XPR1: variants seen among roughly 807,000 people sequenced by gnomAD.
XPR1 encodes xenotropic and polytropic retrovirus receptor 1.
In XPR1, 28 loss-of-function variants were observed where a neutral mutation model predicts 87.5. The ratio of observed to expected loss-of-function variants is 0.32; its 90% CI spans 0.24 to 0.44. The LOEUF (loss-of-function observed/expected upper bound fraction) is 0.44, where lower values mean the gene tolerates loss of function less well. Ranked by LOEUF, XPR1 falls within the 20% of genes least tolerant of loss-of-function variation. The pLI is 1.00. For synonymous variants in XPR1, 300 were observed against 306.1 expected (o/e 0.98, Z 0.21); for missense variants, 559 against 862.3 (o/e 0.65, Z 4.41).
chr1:180,759,877 C>G (rs1369691479), intron 2 of XPR1, among the ~76,000 whole-genome samples: 1 of 152,294 alleles, frequency 6.6e-6, no homozygotes, highest in South Asian at 2.1e-4. Flanking sequence ...AAAATACTGA[C>G]AAACCGAATC....
At chr1:180,713,362 C>A (rs1428852378) in intron 2 of XPR1, among the ~76,000 whole-genome samples, 1 of 152,102 alleles carries the variant, frequency 6.6e-6, no homozygotes, top group Non-Finnish European at 1.5e-5. Context: ...GCTAAACTCA[C>A]TTTTTAGTTA....
intron 1 of XPR1, among the ~76,000 whole-genome samples, chr1:180,637,172 A>G (rs3856057): frequency 1.4e-4 from 22 of 152,344 alleles, no homozygotes; most frequent in Admixed American, 1.4e-3. Context: ...GGATTGATGC[A>G]GTACCCCTGC....
intron 2 of XPR1, among the ~76,000 whole-genome samples, chr1:180,698,922 T>TC (rs1356103716): frequency 3.4e-5 from 5 of 148,128 alleles, no homozygotes; most frequent in African/African-American, 1.2e-4. Flanking sequence ...CAATTTTCTC[T>TC]TGATGTTTTC....
rs77203238 is a variant in XPR1, at chr1:180,808,287, C to CAAA, written c.681+1743_681+1745dup. ...GCTGAAACAGTTGAATTCCATATAC[C>CAAA]AAAAAAAAAAAAAAATGAGCTTTCA... is the stretch of plus-strand genomic sequence containing the variant. On this transcript the variant is annotated intron_variant, in intron 6 of 14. Coordinates refer to ENST00000367590, the MANE Select transcript of XPR1 (RefSeq NM_004736.4). Among the ~76,000 whole-genome samples, 183 of 126,086 alleles carry CAAA rather than the reference C, an allele frequency of 1.5e-3. 1 individual carries two copies. Among genetic ancestry groups the CAAA allele is most frequent in the African/African-American group, 4.9e-3 (174 of 35,154 alleles). 82.7% of individuals were successfully genotyped at this position (126,086 alleles called of 152,430 possible).
intron 12 of XPR1, among the ~76,000 whole-genome samples, chr1:180,872,771 C>G (rs1447921446): frequency 6.6e-6 from 1 of 151,112 alleles, no homozygotes; most frequent in Non-Finnish European, 1.5e-5. Flanking sequence ...AGAAATCACC[C>G]GTCTTCTGCG....
chr1:180,742,494 G>A (rs1658954554), intron 2 of XPR1, among the ~76,000 whole-genome samples: 1 of 152,060 alleles, frequency 6.6e-6, no homozygotes, highest in South Asian at 2.1e-4. Flanking sequence ...GACATACTTT[G>A]CATAATTTCA....
chr1:180,721,937 G>A (rs1406070802), intron 2 of XPR1, among the ~76,000 whole-genome samples: 2 of 151,998 alleles, frequency 1.3e-5, no homozygotes, highest in Non-Finnish European at 2.9e-5. Context: ...TCAGCAGAAG[G>A]GTATTAGTAG....
chr1:180,660,793 T>C (rs571887910), intron 1 of XPR1, among the ~76,000 whole-genome samples: 33 of 152,358 alleles, frequency 2.2e-4, no homozygotes, highest in African/African-American at 7.5e-4. Context: ...GAATGATCCA[T>C]GTGCTGAGAA....
At position 180,885,530 on chromosome 1, in the gene XPR1, T is replaced by C. The variant is rs982723895; in HGVS notation, c.*1464T>C. The stretch of plus-strand genomic sequence containing the variant: ...ATAAGCCTGAAAACCATAAGAGATA[T>C]TACTTTATTGAATATGGTTGGCATT... On this transcript the variant is annotated 3_prime_UTR_variant, in exon 15 of 15. Transcript: ENST00000367590. 1.3e-5 allele frequency: 2 copies of C among 152,204 alleles called. No homozygotes were observed. Among genetic ancestry groups the C allele is most frequent in the Non-Finnish European group, 2.9e-5 (2 of 68,034 alleles). 9.4% of individuals were successfully genotyped at this position (152,204 alleles called of 1,614,324 possible).
intron 2 of XPR1, among the ~76,000 whole-genome samples, chr1:180,752,262 TAGA>T (rs1260406727): frequency 6.6e-6 from 1 of 152,316 alleles, no homozygotes; most frequent in Admixed American, 6.5e-5. Flanking sequence ...GTTGTTAACT[TAGA>T]AAACTACATT....
intron 14 of XPR1, among the ~76,000 whole-genome samples, chr1:180,881,366 T>C (rs1230109259): frequency 1.3e-5 from 2 of 152,122 alleles, no homozygotes; most frequent in Non-Finnish European, 2.9e-5. Flanking sequence ...GGTTTCACCA[T>C]GTTAGCCAGG....
At chr1:180,823,085 C>A (rs1387902142) in intron 7 of XPR1, among the ~76,000 whole-genome samples, 1 of 151,836 alleles carries the variant, frequency 6.6e-6, no homozygotes, top group Non-Finnish European at 1.5e-5. Context: ...ACTAAAAATA[C>A]AAAAAATTAG....
intron 2 of XPR1, among the ~76,000 whole-genome samples, chr1:180,730,469 C>T (rs1658516170): frequency 6.6e-6 from 1 of 152,150 alleles, no homozygotes; most frequent in South Asian, 2.1e-4. Context: ...GACACAAATT[C>T]TGCCTCCATT....
intron 2 of XPR1, among the ~76,000 whole-genome samples, chr1:180,682,833 C>CGTGT (rs571473950): frequency 6.8e-5 from 10 of 146,234 alleles, no homozygotes; most frequent in East Asian, 4.0e-4. Flanking sequence ...TGTGTGTGTG[C>CGTGT]GTGTGTGTGT....
At chr1:180,691,386 G>C (rs373588900) in intron 2 of XPR1, among the ~76,000 whole-genome samples, 24 of 152,028 alleles carry the variant, frequency 1.6e-4, no homozygotes, top group African/African-American at 5.1e-4. Context: ...TAGACCTATT[G>C]CTTGATAGTT....
At chr1:180,798,146 A>G (rs1277402646) in intron 3 of XPR1, among the ~76,000 whole-genome samples, 1 of 152,120 alleles carries the variant, frequency 6.6e-6, no homozygotes, top group African/African-American at 2.4e-5. Flanking sequence ...ATACAAAATT[A>G]TCAGGAAAAT....
At chr1:180,689,712 A>C (rs1289626703) in intron 2 of XPR1, among the ~76,000 whole-genome samples, 1 of 152,214 alleles carries the variant, frequency 6.6e-6, no homozygotes, top group East Asian at 1.9e-4. Flanking sequence ...TTTAGTTAAT[A>C]ATAATGTATC....
intron 1 of XPR1, among the ~76,000 whole-genome samples, chr1:180,681,032 G>T (rs1656559654): frequency 6.6e-6 from 1 of 152,164 alleles, no homozygotes; most frequent in South Asian, 2.1e-4. Context: ...ATAAAAAGTA[G>T]TGCAGAGAAT....
In XPR1 at chr1:180,888,518, A is replaced by C. The variant is rs1653088105; in HGVS notation, c.*4452A>C. The C allele has an allele frequency of 6.6e-6, 1 of 152,030 alleles. No homozygotes were observed. Among genetic ancestry groups the C allele is most frequent in the Non-Finnish European group, 1.5e-5 (1 of 68,006 alleles). 9.4% of individuals were successfully genotyped at this position (152,030 alleles called of 1,614,324 possible). Reference sequence around the variant, plus strand: ...TCAAATCTAATAGGAATTCAGTGTCATTACAGATACGGTCTCTAGTGACCA... The same window carrying C: ...TCAAATCTAATAGGAATTCAGTGTCCTTACAGATACGGTCTCTAGTGACCA... On this transcript the variant is annotated 3_prime_UTR_variant, in exon 15 of 15. Transcript: ENST00000367590.
Sources: gnomAD v4.1 joint callset for allele counts (sites outside exome capture counted in the v4.1 genomes callset) on GRCh38, gnomAD v4.1.1 for gene constraint, MANE v1.5 for transcripts, NCBI Gene and HGNC (gene_info 2026-07-23, HGNC 2026-07-21) for gene names.